The following NRXN2 variants were observed in gnomAD, a reference collection of about 807,000 sequenced individuals.
NRXN2 encodes the protein neurexin-2-beta.
Under a neutral mutation model 128.8 loss-of-function variants are expected in NRXN2, and 29 were observed. The ratio of observed to expected loss-of-function variants is 0.23; its 90% CI spans 0.17 to 0.31. The LOEUF is 0.31. Among genes scored for constraint, NRXN2 ranks in the 10% least tolerant of loss-of-function variants. The probability of loss-of-function intolerance (pLI) is 1.00; values close to 1 mark genes in which losing one functional copy is unlikely to be tolerated. For missense variants in NRXN2, 1,881 were observed against 2,452.6 expected (o/e 0.77, Z 4.92); for synonymous variants, 1,098 against 1,075.2 (o/e 1.02, Z -0.41).
intron 1 of NRXN2, among the ~76,000 whole-genome samples, chr11:64,719,360 AT>A (rs1193693817): frequency 8.5e-5 from 13 of 152,230 alleles, no homozygotes; most frequent in African/African-American, 2.9e-4. Flanking sequence ...TCTAATCCCT[AT>A]CCCTCGTGTC....
At chr11:64,638,842 A>G (rs887968878) in intron 17 of NRXN2, among the ~76,000 whole-genome samples, 3 of 152,198 alleles carry the variant, frequency 2.0e-5, no homozygotes, top group African/African-American at 7.2e-5. Context: ...CATGTCCAAT[A>G]TAGTCTCCTC....
rs2047043105 is a variant in NRXN2, at chr11:64,648,591, C to T, written c.3283+143G>A. The stretch of plus-strand genomic sequence containing the variant: ...CCCTTCACACACCTGTATCCCTGCC[C>T]CAGAACTGTGGGGGCAAGCTCCCAT... On this transcript the variant is annotated intron_variant, in intron 16 of 22. Transcript: ENST00000265459. This position sits in a 1 kb window ranked among gnomAD's most constrained non-coding sequence, Gnocchi z 4.1. 1 of 1,220,208 alleles carries T rather than the reference C, an allele frequency of 8.2e-7. No individual in the cohort carries two copies. The highest frequency in any genetic ancestry group is 1.5e-5 in the African/African-American group (1 of 66,874). The allele number at this position is 1,220,208 out of a possible 1,614,324, so 75.6% of individuals were successfully genotyped here. A position where few individuals can be genotyped will look rare whatever the true frequency, so the allele number is the denominator to read the frequency against.
In NRXN2 at chr11:64,714,581, C is replaced by A. The variant is rs552975467; in HGVS notation, c.-244-638G>T. Among the ~76,000 whole-genome samples the A allele has an allele frequency of 2.0e-5, 3 of 152,052 alleles. No homozygotes were observed. The highest frequency in any genetic ancestry group is 4.4e-5 in the Non-Finnish European group (3 of 68,022). ...TCCAATTCTGTGTCTCCAGTTCCCC[C>A]GAAACCACGCTCACCCCTTCCCAGG... On this transcript the variant is annotated intron_variant, in intron 1 of 22. Transcript: ENST00000265459. The surrounding 1 kb of genome is among the most constrained non-coding windows in gnomAD (Gnocchi z 4.5).
intron 17 of NRXN2, among the ~76,000 whole-genome samples, chr11:64,639,199 C>A (rs1466740217): frequency 6.6e-6 from 1 of 152,130 alleles, no homozygotes; most frequent in Admixed American, 6.5e-5. Flanking sequence ...CCCACACCAG[C>A]GCTTTGTACA....
At chr11:64,712,674 C>T (rs1315887745) in intron 2 of NRXN2, 4 of 587,146 alleles carry the variant, frequency 6.8e-6, no homozygotes, top group Admixed American at 2.2e-5. Flanking sequence ...GGGCTTCATG[C>T]ACCCCACCCT....
chr11:64,682,086 A>G lies in NRXN2; in HGVS notation c.1152+3560T>C, dbSNP rs2052379907. Among the ~76,000 whole-genome samples, 3 of 150,508 alleles carry G rather than the reference A, an allele frequency of 2.0e-5. No homozygotes were observed. The South Asian group carries it at 6.4e-4, about 32-fold the overall frequency. On this transcript the variant is annotated intron_variant, in intron 6 of 22. Transcript: ENST00000265459. ...ACACTCTTGCTGGACTCCATCCTTG[A>G]GGACTGCATCCTTGGTGGACTCCAA... is the stretch of plus-strand genomic sequence containing the variant.
At position 64,642,663 on chromosome 11, in the gene NRXN2, C is replaced by T. The variant is rs2045889329; in HGVS notation, c.3403+5556G>A. The T allele has an allele frequency of 1.1e-5, 17 of 1,580,110 alleles. No individual in the cohort carries two copies. In the East Asian group the frequency reaches 3.8e-4, roughly 36 times the overall value. On this transcript the variant is annotated intron_variant, in intron 17 of 22. Coordinates refer to ENST00000265459, the MANE Select transcript of NRXN2 (RefSeq NM_015080.4). Reference sequence around the variant, plus strand: ...TGGAGGAGACCCGGGCCCCCTCGGCCGCCCCCAGCAGCAACAGCAGCAACA... The same window carrying T: ...TGGAGGAGACCCGGGCCCCCTCGGCTGCCCCCAGCAGCAACAGCAGCAACA...
intron 17 of NRXN2, chr11:64,642,749 C>A (rs1366994595): frequency 1.5e-6 from 2 of 1,308,444 alleles, no homozygotes; most frequent in East Asian, 3.1e-5. Context: ...AGGGGCCCAG[C>A]CAGGGCCGGG....
intron 22 of NRXN2, among the ~76,000 whole-genome samples, chr11:64,619,492 GTC>G (rs1039846749): frequency 6.6e-6 from 1 of 152,106 alleles, no homozygotes; most frequent in Middle Eastern, 3.4e-3. Flanking sequence ...TGCCAGCCTG[GTC>G]TCTCTCTGTG....
Position 64,667,646 on chromosome 11 carries a change from G to T in NRXN2, c.1402C>A (p.Leu468Met), listed in dbSNP as rs1324774865. Residue 468 changes from leucine to methionine, a missense_variant, in exon 9 of 23, where the codon CTG becomes ATG. Coordinates refer to ENST00000265459, the MANE Select transcript of NRXN2 (RefSeq NM_015080.4). The surrounding 1 kb of genome is among the most constrained non-coding windows in gnomAD (Gnocchi z 5.6). ...ATCTTGGGGTCCCCTTCCTTTGCCA[G>T]GCGGGATAGTTCCAATTTGAAGTCA... ...NNDFKLELSR[L>M]AKEGDPKMKL... is the part of the protein sequence containing the mutation. 1 of 1,614,226 alleles carries T rather than the reference G, an allele frequency of 6.2e-7. No homozygotes were observed. The highest frequency in any genetic ancestry group is 1.1e-5 in the South Asian group (1 of 91,086).
intron 22 of NRXN2, among the ~76,000 whole-genome samples, chr11:64,610,751 G>C (rs1354052085): frequency 6.6e-6 from 1 of 152,156 alleles, no homozygotes. Flanking sequence ...TGGTCTCCAG[G>C]TAAGGGGCAA....
intron 1 of NRXN2, among the ~76,000 whole-genome samples, chr11:64,716,882 C>G (rs2135686824): frequency 6.6e-6 from 1 of 152,184 alleles, no homozygotes; most frequent in Non-Finnish European, 1.5e-5. Context: ...TGGGTCCTTT[C>G]CATTCCCCCG....
chr11:64,680,179 C>T (rs529346133), intron 6 of NRXN2, among the ~76,000 whole-genome samples: 1 of 152,256 alleles, frequency 6.6e-6, no homozygotes, highest in African/African-American at 2.4e-5. Context: ...AGCCTCGGGA[C>T]AAAACTATAC....
chr11:64,626,657 T>C lies in NRXN2; in HGVS notation c.3758-105A>G, dbSNP rs906663110. On this transcript the variant is annotated intron_variant, in intron 19 of 22. Coordinates refer to ENST00000265459, the MANE Select transcript of NRXN2 (RefSeq NM_015080.4). The stretch of plus-strand genomic sequence containing the variant: ...AGGAGACTCAGAGTAAGCAGCAACA[T>C]CCACGGAAAGAGGGGAAGGGAGGAA... 15 of 849,016 alleles carry C rather than the reference T, an allele frequency of 1.8e-5. No individual in the cohort carries two copies. In the Middle Eastern group the frequency reaches 1.1e-3, roughly 62 times the overall value. 52.6% of individuals were successfully genotyped at this position (849,016 alleles called of 1,614,324 possible). A position where few individuals can be genotyped will look rare whatever the true frequency, so the allele number is the denominator to read the frequency against.
intron 5 of NRXN2, among the ~76,000 whole-genome samples, chr11:64,690,151 A>T (rs2053601780): frequency 6.6e-6 from 1 of 152,248 alleles, no homozygotes; most frequent in Non-Finnish European, 1.5e-5. Flanking sequence ...CCACATAAAA[A>T]GATACCTGTG....
chr11:64,708,170 A>G (rs1291432536), intron 2 of NRXN2, among the ~76,000 whole-genome samples: 1 of 152,010 alleles, frequency 6.6e-6, no homozygotes, highest in Non-Finnish European at 1.5e-5. Context: ...TGTAGCCCCC[A>G]ACACACAGCC....
intron 15 of NRXN2, among the ~76,000 whole-genome samples, chr11:64,650,070 G>A (rs115802506): frequency 2.6e-4 from 39 of 152,114 alleles, no homozygotes; most frequent in African/African-American, 8.7e-4. Flanking sequence ...GCCCCATAGC[G>A]TCTACCTCAC....
intron 1 of NRXN2, among the ~76,000 whole-genome samples, chr11:64,721,127 T>C (rs934955224): frequency 1.3e-5 from 2 of 150,948 alleles, no homozygotes; most frequent in African/African-American, 4.9e-5. Flanking sequence ...AGGAGGTGTA[T>C]TGTGTACGCA....
At chr11:64,643,792 A>AC (rs969731027) in intron 17 of NRXN2, among the ~76,000 whole-genome samples, 9 of 150,548 alleles carry the variant, frequency 6.0e-5, no homozygotes, top group East Asian at 4.0e-4. Flanking sequence ...CTCCTCCTGC[A>AC]CCCCCCTCCT....
Sources: gnomAD v4.1 joint callset for allele counts (sites outside exome capture counted in the v4.1 genomes callset) on GRCh38, gnomAD v4.1.1 for gene constraint, Gnocchi (gnomAD v3.1) non-coding constraint, MANE v1.5 for transcripts, NCBI Gene and HGNC (gene_info 2026-07-23, HGNC 2026-07-21) for gene names.